SYN3: variants seen among roughly 807,000 people sequenced by gnomAD.
The protein encoded by SYN3 is synapsin-3.
In SYN3, 35 loss-of-function variants were observed where a neutral mutation model predicts 65.8. That is an observed-to-expected ratio of 0.53 (90% CI 0.41 to 0.70). The LOEUF is 0.70. Among genes scored for constraint, SYN3 ranks in the 30% least tolerant of loss-of-function variants. The pLI, the probability that SYN3 is intolerant of heterozygous loss-of-function variation, is 0.00. For synonymous variants in SYN3, 270 were observed against 292.9 expected (o/e 0.92, Z 0.80); for missense variants, 680 against 749.0 (o/e 0.91, Z 1.08).
chr22:32,642,323 A>T (rs887609072), intron 6 of SYN3, among the ~76,000 whole-genome samples: 4 of 152,096 alleles, frequency 2.6e-5, no homozygotes, highest in Non-Finnish European at 5.9e-5. Context: ...GTTTCTGGTT[A>T]AGGATTCCAA....
intron 1 of SYN3, among the ~76,000 whole-genome samples, chr22:33,037,091 C>T (rs1425273718): frequency 1.3e-5 from 2 of 152,162 alleles, no homozygotes; most frequent in African/African-American, 4.8e-5. Context: ...ACCTCATAAA[C>T]TTCTGTTTGT....
intron 4 of SYN3, among the ~76,000 whole-genome samples, chr22:32,907,025 T>G (rs1166627381): frequency 1.3e-5 from 2 of 152,214 alleles, no homozygotes; most frequent in Non-Finnish European, 2.9e-5. Context: ...GTATACTCAA[T>G]AGTGGGATTG....
intron 6 of SYN3, among the ~76,000 whole-genome samples, chr22:32,650,237 C>T (rs1366547439): frequency 2.2e-5 from 2 of 89,256 alleles, no homozygotes; most frequent in African/African-American, 1.6e-4. Context: ...CTCTCTCCCT[C>T]CCTCCCTCCC....
intron 6 of SYN3, among the ~76,000 whole-genome samples, chr22:32,622,723 T>A (rs1213816649): frequency 4.3e-5 from 4 of 91,968 alleles, no homozygotes; most frequent in African/African-American, 1.8e-4. Flanking sequence ...AGAAATCGGA[T>A]GCAAAAAAAA....
At chr22:32,746,563 G>C (rs951964498) in intron 6 of SYN3, among the ~76,000 whole-genome samples, 7 of 152,178 alleles carry the variant, frequency 4.6e-5, no homozygotes, top group African/African-American at 1.4e-4. Flanking sequence ...GATGTGACTG[G>C]GTGAGGGTTG....
At chr22:32,746,052 T>C (rs2044922961) in intron 6 of SYN3, among the ~76,000 whole-genome samples, 1 of 152,364 alleles carries the variant, frequency 6.6e-6, no homozygotes, top group South Asian at 2.1e-4. Flanking sequence ...ATTTTTCAGT[T>C]TCATAGTCAC....
At position 32,596,752 on chromosome 22, in the gene SYN3, A is replaced by G. The variant is rs776369223; in HGVS notation, c.712-16T>C. ...GGGCTGTGACCTGAAAGAGACAAGAAGAAGTCACTCTTAACATCTCAGAGC... is the reference window on the plus strand; with the variant it reads ...GGGCTGTGACCTGAAAGAGACAAGAGGAAGTCACTCTTAACATCTCAGAGC... On this transcript the variant is annotated splice_polypyrimidine_tract_variant and intron_variant, in intron 6 of 13. Coordinates refer to ENST00000358763, the MANE Select transcript of SYN3 (RefSeq NM_003490.4). The G allele has an allele frequency of 6.2e-7, 1 of 1,613,616 alleles. No individual in the cohort carries two copies. Among genetic ancestry groups the G allele is most frequent in the Admixed American group, 1.7e-5 (1 of 59,974 alleles).
At chr22:32,849,629 G>A in intron 6 of SYN3, 2 of 1,078,002 alleles carry the variant, frequency 1.9e-6, no homozygotes, top group South Asian at 2.7e-5. Context: ...GAACTGGGGT[G>A]TGTGTCTAAG....
chr22:32,549,716 T>C (rs1007683661), intron 7 of SYN3, among the ~76,000 whole-genome samples: 3 of 152,112 alleles, frequency 2.0e-5, no homozygotes, highest in African/African-American at 7.2e-5. Flanking sequence ...CTGGCCAGCA[T>C]AGTGAAACTC....
chr22:32,854,857 A>G (rs1389494624), intron 6 of SYN3, among the ~76,000 whole-genome samples: 2 of 152,172 alleles, frequency 1.3e-5, no homozygotes, highest in African/African-American at 4.8e-5. Flanking sequence ...TGTGCTTTTA[A>G]CAAGGCAGGG....
chr22:33,008,806 G>A (rs760115047), intron 1 of SYN3, among the ~76,000 whole-genome samples: 28 of 151,216 alleles, frequency 1.9e-4, no homozygotes, highest in South Asian at 1.5e-3. Context: ...GGGCCTGTAC[G>A]CCCAGCTACT....
chr22:32,935,062 T>A (rs538051218), intron 3 of SYN3, among the ~76,000 whole-genome samples: 4 of 152,328 alleles, frequency 2.6e-5, no homozygotes, highest in South Asian at 4.1e-4. Context: ...CCTCCAGAAC[T>A]GGAAGAAAAT....
intron 6 of SYN3, among the ~76,000 whole-genome samples, chr22:32,811,850 T>A (rs149300336): frequency 5.2e-4 from 79 of 152,308 alleles, no homozygotes; most frequent in Non-Finnish European, 5.1e-4. Flanking sequence ...CCCTTCCCTC[T>A]TTAGACAGCT....
At chr22:32,647,939 A>C (rs1398309568) in intron 6 of SYN3, among the ~76,000 whole-genome samples, 2 of 152,012 alleles carry the variant, frequency 1.3e-5, no homozygotes, top group Admixed American at 1.3e-4. Context: ...GAGTCTCACT[A>C]TCTTGTCCAG....
At chr22:32,737,494 G>T (rs9606988) in intron 6 of SYN3, among the ~76,000 whole-genome samples, 71,281 of 150,506 alleles carry the variant, frequency 0.47, 17,647 homozygotes, top group African/African-American at 0.64. Flanking sequence ...GGCCCCGGTG[G>T]GTGATGTTCC....
intron 3 of SYN3, among the ~76,000 whole-genome samples, chr22:32,963,507 T>TATGGATGG (rs919534443): frequency 6.6e-6 from 1 of 152,022 alleles, no homozygotes; most frequent in Non-Finnish European, 1.5e-5. Flanking sequence ...AGCATAAGTA[T>TATGGATGG]ATGGATGGAT....
intron 4 of SYN3, among the ~76,000 whole-genome samples, chr22:32,889,434 A>G (rs2049381898): frequency 2.6e-5 from 4 of 152,142 alleles, no homozygotes; most frequent in Admixed American, 2.0e-4. Context: ...AAAAAAACAA[A>G]AAACCTTTTA....
At chr22:32,994,601 A>G (rs1276383347) in intron 2 of SYN3, among the ~76,000 whole-genome samples, 1 of 152,176 alleles carries the variant, frequency 6.6e-6, no homozygotes, top group Non-Finnish European at 1.5e-5. Context: ...CTCAGAGCCA[A>G]GTGTCTTCAA....
chr22:32,677,113 C>T (rs2060456768), intron 6 of SYN3, among the ~76,000 whole-genome samples: 1 of 152,166 alleles, frequency 6.6e-6, no homozygotes, highest in African/African-American at 2.4e-5. Flanking sequence ...GACTCAGGGG[C>T]TTCAGAGATG....
Sources: gnomAD v4.1 joint callset for allele counts (sites outside exome capture counted in the v4.1 genomes callset) on GRCh38, gnomAD v4.1.1 for gene constraint, MANE v1.5 for transcripts, NCBI Gene and HGNC (gene_info 2026-07-23, HGNC 2026-07-21) for gene names.